The following ATRX variants were observed in gnomAD, a reference collection of about 807,000 sequenced individuals.
ATRX encodes the protein ATRX chromatin remodeler.
ATRX carries 12 observed loss-of-function variants against 172.6 expected under a neutral mutation model. The ratio of observed to expected loss-of-function variants is 0.07; its 90% CI spans 0.04 to 0.11. The LOEUF (loss-of-function observed/expected upper bound fraction) is 0.11, where lower values mean the gene tolerates loss of function less well. Among genes scored for constraint, ATRX ranks in the 10% least tolerant of loss-of-function variants. The probability of loss-of-function intolerance (pLI) is 1.00; values close to 1 mark genes in which losing one functional copy is unlikely to be tolerated. For synonymous variants in ATRX, 674 were observed against 594.7 expected, an observed-to-expected ratio of 1.13 and a Z score of -1.94; for missense variants, 1,368 against 1,767.4, an observed-to-expected ratio of 0.77 and a Z score of 4.05.
chrX:77,600,014 A>G (rs1387585550), intron 23 of ATRX, among the ~76,000 whole-genome samples, 194 bp from the exon 24 acceptor site: 4 of 111,690 alleles, frequency 3.6e-5, no homozygotes, highest in African/African-American at 1.3e-4. Context: ...AGATTGGATC[A>G]TGGAAAACAA....
At chrX:77,740,938 C>A (rs1298215617) in intron 1 of ATRX, among the ~76,000 whole-genome samples, 1 of 110,382 alleles carries the variant, frequency 9.1e-6, no homozygotes, top group Non-Finnish European at 1.9e-5. Context: ...GGAACATTAG[C>A]AAGATCTCAT....
chrX:77,627,619 T>G (rs2067926621), intron 19 of ATRX, among the ~76,000 whole-genome samples: 1 of 104,671 alleles, frequency 9.6e-6, no homozygotes, highest in Non-Finnish European at 2.0e-5. Context: ...CATAGTGAGA[T>G]CCTCATCTCC....
chrX:77,709,079 T>G (rs2072983812), intron 2 of ATRX, among the ~76,000 whole-genome samples: 1 of 111,110 alleles, frequency 9.0e-6, no homozygotes, highest in East Asian at 2.8e-4. Flanking sequence ...TGGTGGCATG[T>G]GCCTGTAGTC....
At chrX:77,561,371 G>A (rs375914014) in intron 28 of ATRX, among the ~76,000 whole-genome samples, 4 of 110,301 alleles carry the variant, frequency 3.6e-5, no homozygotes, top group African/African-American at 9.9e-5. Context: ...ACTTCAATAC[G>A]CAAGTCCATA....
At chrX:77,582,503 GAAAT>G (rs1359953389) in intron 27 of ATRX, among the ~76,000 whole-genome samples, 1 of 109,984 alleles carries the variant, frequency 9.1e-6, no homozygotes, top group Admixed American at 9.7e-5. Flanking sequence ...GATCAGAGCA[GAAAT>G]AAATAAACTT....
chrX:77,645,345 C>T (rs1448218114), intron 15 of ATRX, among the ~76,000 whole-genome samples: 1 of 111,213 alleles, frequency 9.0e-6, no homozygotes, highest in African/African-American at 3.3e-5. Context: ...CACTATGTTG[C>T]CCAGTCTGGT....
intron 25 of ATRX, chrX:77,594,056 GAA>G (rs2066381243): frequency 1.1e-5 from 4 of 358,538 alleles, no homozygotes; most frequent in Admixed American, 1.0e-4. Context: ...GCTCTAGATA[GAA>G]AAAGAGAAAG....
At chrX:77,527,979 G>A (rs2063444987) in intron 30 of ATRX, among the ~76,000 whole-genome samples, 1 of 101,518 alleles carries the variant, frequency 9.9e-6, no homozygotes, top group Non-Finnish European at 2.0e-5. Context: ...ACTCCAAACT[G>A]AGCAGGACTT....
At chrX:77,654,993 C>G (rs1356123333) in intron 13 of ATRX, among the ~76,000 whole-genome samples, 1 of 111,038 alleles carries the variant, frequency 9.0e-6, no homozygotes, top group African/African-American at 3.3e-5. Flanking sequence ...CCTCAACATA[C>G]ATGAAGCTGG....
chrX:77,734,214 T>TACATACATACAC lies in ATRX; in HGVS notation c.21-16972_21-16971insGTGTATGTATGT, dbSNP rs2074433813. Among the ~76,000 whole-genome samples, 7 of 94,897 alleles carry TACATACATACAC rather than the reference T, an allele frequency of 7.4e-5. No individual in the cohort carries two copies. In the South Asian group the frequency reaches 3.4e-3, roughly 46 times the overall value. The allele number at this position is 94,897 out of a possible 115,157, so 82.4% of individuals were successfully genotyped here. A position where few individuals can be genotyped will look rare whatever the true frequency, so the allele number is the denominator to read the frequency against. On this transcript the variant is annotated intron_variant, in intron 1 of 34. Transcript: ENST00000373344. ...AGAGCAAGATTCTGTCTCAAATACA[T>TACATACATACAC]ACATACATACATACATACATACATA...
chrX:77,540,054 C>T (rs1557050125), intron 30 of ATRX, among the ~76,000 whole-genome samples: 3 of 111,401 alleles, frequency 2.7e-5, no homozygotes, highest in Non-Finnish European at 5.6e-5. Flanking sequence ...CATTGGTGTG[C>T]TGTATTCAAG....
rs781914718 is a variant in ATRX, at chrX:77,623,519, A to G, written c.5135-2987T>C. The stretch of plus-strand genomic sequence containing the variant: ...ACCAATCCTTTTGACACTATCCCAC[A>G]AGACAGAGAAAGAAGTAACCCTCCC... On this transcript the variant is annotated intron_variant, in intron 19 of 34. Coordinates refer to ENST00000373344, the MANE Select transcript of ATRX (RefSeq NM_000489.6). Among the ~76,000 whole-genome samples, 4 of 111,865 alleles carry G rather than the reference A, an allele frequency of 3.6e-5. No homozygotes were observed. In the East Asian group the frequency reaches 1.1e-3, roughly 31 times the overall value.
intron 28 of ATRX, among the ~76,000 whole-genome samples, chrX:77,559,247 G>A (rs1341467571): frequency 2.8e-5 from 3 of 108,856 alleles, no homozygotes; most frequent in Non-Finnish European, 5.7e-5. Flanking sequence ...GAATATGTAG[G>A]GGTGACTCAA....
At chrX:77,565,305 C>A (rs1557063950) in intron 28 of ATRX, among the ~76,000 whole-genome samples, 1 of 111,821 alleles carries the variant, frequency 8.9e-6, no homozygotes, top group East Asian at 2.8e-4. Context: ...TAAAATCCAG[C>A]ATCTCATGAT....
intron 26 of ATRX, 70 bp from the exon 27 acceptor site, chrX:77,590,010 T>G: frequency 1.1e-6 from 1 of 903,726 alleles, no homozygotes; most frequent in Middle Eastern, 3.6e-4. Context: ...CCTAAATCGA[T>G]CTACAAATTT....
intron 1 of ATRX, among the ~76,000 whole-genome samples, chrX:77,746,325 CAT>C (rs200118173): frequency 0.014 from 1,536 of 111,382 alleles, 13 homozygotes; most frequent in Middle Eastern, 0.037. Context: ...ATCAACAAAA[CAT>C]AAATTCCTTT....
intron 26 of ATRX, among the ~76,000 whole-genome samples, chrX:77,591,304 C>T (rs1176854526): frequency 8.9e-6 from 1 of 112,007 alleles, no homozygotes; most frequent in East Asian, 2.8e-4. Context: ...AACATACTTA[C>T]ACACTAGAAA....
rs111322708 is a variant in ATRX, at chrX:77,702,743, T to C, written c.134-4114A>G. On this transcript the variant is annotated intron_variant, in intron 2 of 34. Transcript: ENST00000373344. ...TTAGAAGATAACATTTTTTTTTTAC[T>C]AGGGACAGAGTCTCACCCTATTGCC... is the stretch of plus-strand genomic sequence containing the variant. 3.2e-3 allele frequency among the ~76,000 whole-genome samples: 359 copies of C among 111,596 alleles called. 4 individuals are homozygous for C. Among genetic ancestry groups the C allele is most frequent in the African/African-American group, 0.011 (339 of 30,741 alleles).
chrX:77,667,192 G>A (rs1557126770), intron 10 of ATRX, among the ~76,000 whole-genome samples: 1 of 108,543 alleles, frequency 9.2e-6, no homozygotes, highest in Non-Finnish European at 1.9e-5. Context: ...TTTTCTGTTG[G>A]TATATATTAA....
Sources: gnomAD v4.1 joint callset for allele counts (sites outside exome capture counted in the v4.1 genomes callset) on GRCh38, gnomAD v4.1.1 for gene constraint, MANE v1.5 for transcripts, NCBI Gene and HGNC (gene_info 2026-07-23, HGNC 2026-07-21) for gene names.